Variants in DPYSL3 observed in about 807,000 individuals in gnomAD.
DPYSL3 encodes the protein dihydropyrimidinase like 3, also known as dihydropyrimidinase-related protein 3.
A neutral mutation model predicts 66.1 loss-of-function variants in DPYSL3; 16 were observed. That is an observed-to-expected ratio of 0.24 (90% CI 0.16 to 0.37). The LOEUF (loss-of-function observed/expected upper bound fraction) is 0.37, where lower values mean the gene tolerates loss of function less well. Among genes scored for constraint, DPYSL3 ranks in the 10% least tolerant of loss-of-function variants. The pLI is 1.00. For synonymous variants in DPYSL3, 338 were observed against 345.1 expected (o/e 0.98, Z 0.23); for missense variants, 738 against 916.2 (o/e 0.81, Z 2.51).
intron 1 of DPYSL3, among the ~76,000 whole-genome samples, chr5:147,500,378 C>T (rs1320155245): frequency 6.6e-6 from 1 of 152,070 alleles, no homozygotes; most frequent in Non-Finnish European, 1.5e-5. Context: ...CTTTGGGAGG[C>T]TGAGGTGGGC....
intron 1 of DPYSL3, among the ~76,000 whole-genome samples, chr5:147,488,076 C>A (rs756305733): frequency 5.3e-5 from 8 of 152,142 alleles, no homozygotes; most frequent in Non-Finnish European, 1.0e-4. Context: ...CTTTCCATTT[C>A]ATTGGTTTTA....
chr5:147,448,310 G>A (rs753679462), intron 1 of DPYSL3, among the ~76,000 whole-genome samples: 1 of 152,178 alleles, frequency 6.6e-6, no homozygotes, highest in Non-Finnish European at 1.5e-5. Flanking sequence ...GAGAGTCTCT[G>A]TATCAAAAGT....
At chr5:147,475,774 A>T (rs1753147203) in intron 1 of DPYSL3, among the ~76,000 whole-genome samples, 1 of 152,056 alleles carries the variant, frequency 6.6e-6, no homozygotes, top group Non-Finnish European at 1.5e-5. Context: ...GAAGAAGATG[A>T]CTCAAACTCT....
chr5:147,485,592 A>G (rs1263536965), intron 1 of DPYSL3, among the ~76,000 whole-genome samples: 13 of 152,122 alleles, frequency 8.5e-5, no homozygotes. Context: ...TTTGTTTCCT[A>G]TGTATTATGC....
Position 147,498,997 on chromosome 5 carries a change from G to A in DPYSL3, c.381+10481C>T, listed in dbSNP as rs934257423. 6.6e-5 allele frequency among the ~76,000 whole-genome samples: 10 copies of A among 151,986 alleles called. No homozygotes were observed. The East Asian group carries it at 7.7e-4, about 12-fold the overall frequency. On this transcript the variant is annotated intron_variant, in intron 1 of 13. Transcript: ENST00000343218. ...TGTCTTCATTATGAAATTTTTGCCCGTGCCTATGACCTAAATGGTATTGCC... is the reference window on the plus strand; with the variant it reads ...TGTCTTCATTATGAAATTTTTGCCCATGCCTATGACCTAAATGGTATTGCC...
chr5:147,437,013 C>G (rs561429713), intron 1 of DPYSL3, among the ~76,000 whole-genome samples: 35 of 152,258 alleles, frequency 2.3e-4, no homozygotes, highest in Non-Finnish European at 1.9e-4. Context: ...GAGTTAATGC[C>G]ACGCTGAAAA....
chr5:147,468,748 A>C (rs763963378), intron 1 of DPYSL3, among the ~76,000 whole-genome samples: 6 of 151,968 alleles, frequency 3.9e-5, no homozygotes, highest in Non-Finnish European at 5.9e-5. Context: ...ATTATACTTT[A>C]AGTTCTGGGG....
chr5:147,506,794 A>G (rs571054023), intron 1 of DPYSL3, among the ~76,000 whole-genome samples: 1 of 152,320 alleles, frequency 6.6e-6, no homozygotes, highest in East Asian at 1.9e-4. Context: ...TTACATGCTT[A>G]CAGTCATATA....
chr5:147,500,646 T>C (rs1216437085), intron 1 of DPYSL3, among the ~76,000 whole-genome samples: 4 of 134,434 alleles, frequency 3.0e-5, no homozygotes, highest in South Asian at 2.3e-4. Flanking sequence ...TGAAAACAAA[T>C]AAATGACTCA....
chr5:147,398,513 A>T (rs1398467254), intron 11 of DPYSL3, among the ~76,000 whole-genome samples: 1 of 152,250 alleles, frequency 6.6e-6, no homozygotes, highest in Non-Finnish European at 1.5e-5. Context: ...TGCCTGAAAC[A>T]TAAGTGCTTA....
intron 1 of DPYSL3, among the ~76,000 whole-genome samples, chr5:147,431,728 C>T (rs1012600379): frequency 1.2e-4 from 18 of 152,130 alleles, no homozygotes; most frequent in African/African-American, 4.1e-4. Context: ...CTCCTGCCAC[C>T]AGCAGCCAAG....
At chr5:147,461,014 C>T (rs938209405) in intron 1 of DPYSL3, among the ~76,000 whole-genome samples, 28 of 152,094 alleles carry the variant, frequency 1.8e-4, no homozygotes, top group African/African-American at 6.5e-4. Context: ...TCAAGGCTTC[C>T]CTTCTAATAA....
intron 1 of DPYSL3, among the ~76,000 whole-genome samples, chr5:147,427,262 G>A (rs1213404197): frequency 6.6e-6 from 1 of 152,182 alleles, no homozygotes; most frequent in African/African-American, 2.4e-5. Flanking sequence ...ATGTTCTACT[G>A]TAGCTGATTT....
chr5:147,395,961 C>T (rs1478593721), intron 12 of DPYSL3, among the ~76,000 whole-genome samples: 2 of 152,034 alleles, frequency 1.3e-5, no homozygotes, highest in Non-Finnish European at 2.9e-5. Context: ...TCAGAAGGAT[C>T]AAAGGACGTT....
At position 147,502,400 on chromosome 5, in the gene DPYSL3, C is replaced by G. The variant is rs79486648; in HGVS notation, c.381+7078G>C. Among the ~76,000 whole-genome samples the G allele has an allele frequency of 5.5e-5, 8 of 145,040 alleles. 1 individual carries two copies. The highest frequency in any genetic ancestry group is 5.5e-4 in the Admixed American group (8 of 14,508). On this transcript the variant is annotated intron_variant, in intron 1 of 13. Transcript: ENST00000343218. ...ATACACACACACACACACACACACA[C>G]ATATACACACAGATGGGAAGAAAAT...
chr5:147,404,652 G>A (rs1486255836), intron 8 of DPYSL3, among the ~76,000 whole-genome samples: 2 of 152,184 alleles, frequency 1.3e-5, no homozygotes, highest in Non-Finnish European at 2.9e-5. Context: ...GTCTGACACT[G>A]AGGATGAGAA....
At chr5:147,419,376 T>C (rs1752037402) in intron 2 of DPYSL3, among the ~76,000 whole-genome samples, 1 of 152,048 alleles carries the variant, frequency 6.6e-6, no homozygotes, top group African/African-American at 2.4e-5. Context: ...TAGGGAGGAA[T>C]AGGGGGGAGA....
At chr5:147,450,051 G>A (rs1482722691) in intron 1 of DPYSL3, among the ~76,000 whole-genome samples, 1 of 152,196 alleles carries the variant, frequency 6.6e-6, no homozygotes, top group Non-Finnish European at 1.5e-5. Flanking sequence ...TGGTAGAGAG[G>A]CAGAGGCGGA....
chr5:147,433,852 T>C (rs1388219757), intron 1 of DPYSL3, among the ~76,000 whole-genome samples: 1 of 152,030 alleles, frequency 6.6e-6, no homozygotes, highest in African/African-American at 2.4e-5. Flanking sequence ...GCCAACATGG[T>C]GAAACCCCGT....
Sources: gnomAD v4.1 joint callset for allele counts (sites outside exome capture counted in the v4.1 genomes callset) on GRCh38, gnomAD v4.1.1 for gene constraint, MANE v1.5 for transcripts, NCBI Gene and HGNC (gene_info 2026-07-23, HGNC 2026-07-21) for gene names.